ZC3H12D: variants seen among roughly 807,000 people sequenced by gnomAD.
ZC3H12D encodes probable ribonuclease ZC3H12D.
A neutral mutation model predicts 24.2 loss-of-function variants in ZC3H12D; 11 were observed. The ratio of observed to expected loss-of-function variants is 0.46; its 90% CI spans 0.29 to 0.75. The LOEUF (loss-of-function observed/expected upper bound fraction) is 0.75. Ranked by LOEUF, ZC3H12D falls within the 30% of genes least tolerant of loss-of-function variation. The pLI is 0.11. For synonymous variants in ZC3H12D, 333 were observed against 341.8 expected (o/e 0.97, Z 0.28); for missense variants, 740 against 767.7 (o/e 0.96, Z 0.43).
At position 149,450,746 on chromosome 6, in the gene ZC3H12D, G is replaced by C; in HGVS notation, c.1521C>G (p.Leu507=). 1 of 1,548,932 alleles carries C rather than the reference G, an allele frequency of 6.5e-7. No homozygotes were observed. The highest frequency in any genetic ancestry group is 1.2e-5 in the South Asian group (1 of 83,978). Residue 507 remains leucine (L), a synonymous_variant, in exon 6 of 6, where the codon CTC becomes CTG. Coordinates refer to ENST00000409806, the MANE Select transcript of ZC3H12D (RefSeq NM_207360.3). ...TCTGTACCAGGAGGATGAGCCTGGC[G>C]AGGTCTGAGAGCTCCGGGAACGCGG... is the stretch of plus-strand genomic sequence containing the variant. ...VMAAFPELSD[L]ARLILLVQRC... is the part of the protein sequence containing the mutation.
rs549493078 is a variant in ZC3H12D, at chr6:149,456,779, C to T, written c.567G>A (p.Glu189=). 142 of 1,613,724 alleles carry T rather than the reference C, an allele frequency of 8.8e-5. 1 individual carries two copies. The East Asian group carries it at 3.0e-3, about 34-fold the overall frequency. ...DDRYIVKVAY[E]QDGVIVSNDN... is the part of the protein sequence containing the mutation. ...CGTTGGAGACGATGACGCCGTCCTG[C>T]TCGTAGGCCACCTTCACGATGTAGC... Residue 189 remains glutamate (E), a synonymous_variant, in exon 4 of 6, where the codon GAG becomes GAA. Transcript: ENST00000409806. This position sits in a 1 kb window ranked among gnomAD's most constrained non-coding sequence, Gnocchi z 4.3.
intron 2 of ZC3H12D, among the ~76,000 whole-genome samples, chr6:149,471,567 G>A (rs1776243480): frequency 6.6e-6 from 1 of 152,262 alleles, no homozygotes; most frequent in African/African-American, 2.4e-5. Context: ...GACCCTTTAA[G>A]TGTCTATTGA....
intron 1 of ZC3H12D, among the ~76,000 whole-genome samples, chr6:149,477,425 A>C (rs1283321305): frequency 2.0e-5 from 3 of 152,112 alleles, no homozygotes; most frequent in East Asian, 3.9e-4. Context: ...ATCCAACAAC[A>C]CTTTCACAGT....
rs1177657639 is a variant in ZC3H12D, at chr6:149,452,340, A to G, written c.787+276T>C. ...GAGACCCGCAGCTGGGTTTGTGTCC[A>G]GGCTCCCGGCTTCTCAGACACAGCT... On this transcript the variant is annotated intron_variant, in intron 5 of 5. Coordinates refer to ENST00000409806, the MANE Select transcript of ZC3H12D (RefSeq NM_207360.3). The surrounding 1 kb of genome is among the most constrained non-coding windows in gnomAD (Gnocchi z 4.0). 2 of 360,798 alleles carry G rather than the reference A, an allele frequency of 5.5e-6. No homozygotes were observed. Among genetic ancestry groups the G allele is most frequent in the Non-Finnish European group, 9.9e-6 (2 of 201,106 alleles). The allele number at this position is 360,798 out of a possible 1,614,324, so 22.3% of individuals were successfully genotyped here.
chr6:149,471,459 G>A (rs1776242069), intron 2 of ZC3H12D, among the ~76,000 whole-genome samples: 1 of 152,222 alleles, frequency 6.6e-6, no homozygotes, highest in Admixed American at 6.5e-5. Flanking sequence ...AGTGCCTCCT[G>A]AAAGGCAGAG....
rs562707210 is a variant in ZC3H12D at position 149,451,719 on chromosome 6, G to T, written c.788-240C>A. Among the ~76,000 whole-genome samples the T allele has an allele frequency of 1.4e-4, 22 of 152,348 alleles. 1 individual carries two copies. In the South Asian group the frequency reaches 3.9e-3, roughly 27 times the overall value. On this transcript the variant is annotated intron_variant, in intron 5 of 5. Coordinates refer to ENST00000409806, the MANE Select transcript of ZC3H12D (RefSeq NM_207360.3). Reference sequence around the variant, plus strand: ...GCGCGGGCGGCCTGGGTGAGGGGGCGCTGAGCACACTCATCCCAGGGTATG... The same window carrying T: ...GCGCGGGCGGCCTGGGTGAGGGGGCTCTGAGCACACTCATCCCAGGGTATG...
intron 2 of ZC3H12D, among the ~76,000 whole-genome samples, chr6:149,469,327 G>A (rs1402119385): frequency 1.3e-5 from 2 of 152,082 alleles, no homozygotes; most frequent in Admixed American, 1.3e-4. Flanking sequence ...ACGTGGTGGC[G>A]GGCACCTGTA....
chr6:149,453,153 T>C (rs1775928014), intron 4 of ZC3H12D, among the ~76,000 whole-genome samples: 1 of 146,048 alleles, frequency 6.8e-6, no homozygotes, highest in Non-Finnish European at 1.5e-5. Context: ...AAAAGAAAAT[T>C]AGCCAGATGT....
At chr6:149,453,881 A>T (rs1775939442) in intron 4 of ZC3H12D, among the ~76,000 whole-genome samples, 1 of 151,188 alleles carries the variant, frequency 6.6e-6, no homozygotes, top group Non-Finnish European at 1.5e-5. Flanking sequence ...CTAAATAAAC[A>T]AACAAACAAA....
Position 149,474,448 on chromosome 6 carries a change from C to A in ZC3H12D, c.96G>T (p.Leu32=), listed in dbSNP as rs368756222. Residue 32 remains leucine (L), a synonymous_variant, in exon 2 of 6, where the codon CTG becomes CTT. Transcript: ENST00000409806. ...RVLGKLGEGA[L]VNDVLQELIR... is the part of the protein sequence containing the mutation. ...TAAGCTCCTGCAGCACGTCGTTGACCAGGGCGCCCTCGCCCAGCTTGCCCA... is the reference window on the plus strand; with the variant it reads ...TAAGCTCCTGCAGCACGTCGTTGACAAGGGCGCCCTCGCCCAGCTTGCCCA... 56 of 1,603,036 alleles carry A rather than the reference C, an allele frequency of 3.5e-5. No individual in the cohort carries two copies. The highest frequency in any genetic ancestry group is 4.6e-5 in the Non-Finnish European group (54 of 1,171,752).
chr6:149,474,835 C>G (rs1367785248), intron 1 of ZC3H12D, among the ~76,000 whole-genome samples: 3 of 152,218 alleles, frequency 2.0e-5, no homozygotes, highest in African/African-American at 7.2e-5. Context: ...CACTGCCCGG[C>G]AGGGCACACA....
At position 149,456,763 on chromosome 6, in the gene ZC3H12D, C is replaced by T; in HGVS notation, c.583G>A (p.Val195Ile). 2 of 1,613,788 alleles carry T rather than the reference C, an allele frequency of 1.2e-6. No individual in the cohort carries two copies. Among genetic ancestry groups the T allele is most frequent in the Middle Eastern group, 1.6e-4 (1 of 6,062 alleles). The part of the protein sequence containing the change: ...KVAYEQDGVI[V>I]SNDNYRDLQS... ...AGGTCCCGGTAGTTGTCGTTGGAGA[C>T]GATGACGCCGTCCTGCTCGTAGGCC... The change falls in exon 4 of 6, where the codon GTC (valine) becomes ATC (isoleucine). Residue 195 changes from valine (V) to isoleucine (I), a missense_variant. Transcript: ENST00000409806. The surrounding 1 kb of genome is among the most constrained non-coding windows in gnomAD (Gnocchi z 4.3).
At position 149,451,225 on chromosome 6, in the gene ZC3H12D, G is replaced by A. The variant is rs1705548929; in HGVS notation, c.1042C>T (p.Arg348Trp). The A allele has an allele frequency of 7.7e-7, 1 of 1,304,050 alleles. No individual in the cohort carries two copies. The highest frequency in any genetic ancestry group is 9.7e-7 in the Non-Finnish European group (1 of 1,032,772). 80.8% of individuals were successfully genotyped at this position (1,304,050 alleles called of 1,614,324 possible). A position where few individuals can be genotyped will look rare whatever the true frequency, so the allele number is the denominator to read the frequency against. The change falls in exon 6 of 6, where the codon CGG becomes TGG. Residue 348 changes from arginine (R) to tryptophan (W), a missense_variant. By Grantham distance (101) the Arg-to-Trp change is moderately radical (BLOSUM62 -3). Transcript: ENST00000409806. ...CCCAGGTCGTCGCTGAAGGCCAGCCGAGAGAAGCTCCCTCGCAGGGCGGCC... is the reference window on the plus strand; with the variant it reads ...CCCAGGTCGTCGCTGAAGGCCAGCCAAGAGAAGCTCCCTCGCAGGGCGGCC... ...DLAALRGSFS[R>W]LAFSDDLGPL...
chr6:149,450,816 G>T lies in ZC3H12D; in HGVS notation c.1451C>A (p.Ala484Glu), dbSNP rs536494555. The T allele has an allele frequency of 3.2e-6, 5 of 1,547,686 alleles. No individual in the cohort carries two copies. The East Asian group carries it at 1.2e-4, about 38-fold the overall frequency. The change falls in exon 6 of 6, where the codon GCG becomes GAG. Residue 484 changes from alanine to glutamate, a missense_variant. Transcript: ENST00000409806. The part of the protein sequence containing the change: ...EGDARARARI[A>E]LYSVFPRDQV... ...GTCACGCGGGAAGACGCTGTAGAGC[G>T]CGATGCGAGCCCGGGCGCGCGCGTC...
chr6:149,464,121 T>A (rs900178301), intron 2 of ZC3H12D, among the ~76,000 whole-genome samples: 3 of 152,204 alleles, frequency 2.0e-5, no homozygotes, highest in African/African-American at 7.2e-5. Context: ...GTGAGCAGCC[T>A]GGGCTGGAGG....
At chr6:149,478,886 A>G (rs1776382471) in intron 1 of ZC3H12D, among the ~76,000 whole-genome samples, 1 of 152,100 alleles carries the variant, frequency 6.6e-6, no homozygotes, top group Non-Finnish European at 1.5e-5. Context: ...AAGTCGGATC[A>G]TGTTCGCCAC....
At chr6:149,478,838 C>T (rs759131339) in intron 1 of ZC3H12D, among the ~76,000 whole-genome samples, 8 of 152,188 alleles carry the variant, frequency 5.3e-5, no homozygotes, top group Non-Finnish European at 1.0e-4. Flanking sequence ...CTGTAACAGC[C>T]TCCATCTGGC....
Position 149,452,418 on chromosome 6 carries a change from A to G in ZC3H12D, c.787+198T>C. 1 of 487,984 alleles carries G rather than the reference A, an allele frequency of 2.0e-6. No homozygotes were observed. Among genetic ancestry groups the G allele is most frequent in the South Asian group, 4.1e-5 (1 of 24,358 alleles). 30.2% of individuals were successfully genotyped at this position (487,984 alleles called of 1,614,324 possible). ...ACCCTGGCATGGGATCCTGGCTCCC[A>G]TGAAATCACCGGCCAGGATGTCAGT... On this transcript the variant is annotated intron_variant, in intron 5 of 5. Transcript: ENST00000409806. This position sits in a 1 kb window ranked among gnomAD's most constrained non-coding sequence, Gnocchi z 4.0.
chr6:149,456,623 G>GGGGGGGGGC lies in ZC3H12D; in HGVS notation c.680+42_680+43insGCCCCCCCC. 5.4e-6 allele frequency: 4 copies of GGGGGGGGGC among 744,568 alleles called. No homozygotes were observed. The highest frequency in any genetic ancestry group is 6.6e-6 in the Non-Finnish European group (3 of 456,096). The allele number at this position is 744,568 out of a possible 1,614,324, so 46.1% of individuals were successfully genotyped here. On this transcript the variant is annotated intron_variant, in intron 4 of 5. Transcript: ENST00000409806. The surrounding 1 kb of genome is among the most constrained non-coding windows in gnomAD (Gnocchi z 4.3). ...GCCACTGCCTCGACCCCGGCCCCCC[G>GGGGGGGGGC]CCCCGCCGCCCCCCAGGGTGTCAGG...
Sources: gnomAD v4.1 joint callset for allele counts (sites outside exome capture counted in the v4.1 genomes callset) on GRCh38, gnomAD v4.1.1 for gene constraint, Gnocchi (gnomAD v3.1) non-coding constraint, MANE v1.5 for transcripts, NCBI Gene and HGNC (gene_info 2026-07-23, HGNC 2026-07-21) for gene names.